The following HCN1 variants were observed in gnomAD, a reference collection of about 807,000 sequenced individuals.
The protein encoded by HCN1 is potassium/sodium hyperpolarization-activated cyclic nucleotide-gated channel 1.
HCN1 carries 13 observed loss-of-function variants against 78.9 expected under a neutral mutation model. That is an observed-to-expected ratio of 0.16 (90% confidence interval 0.11 to 0.26). The LOEUF is 0.26. Among genes scored for constraint, HCN1 ranks in the 10% least tolerant of loss-of-function variants. The pLI, the probability that HCN1 is intolerant of heterozygous loss-of-function variation, is 1.00. For synonymous variants in HCN1, 552 were observed against 455.5 expected (o/e 1.21, Z -2.70); for missense variants, 810 against 1,154.3 (o/e 0.70, Z 4.32).
intron 2 of HCN1, among the ~76,000 whole-genome samples, chr5:45,602,593 C>T (rs1472847884): frequency 6.6e-6 from 1 of 152,094 alleles, no homozygotes; most frequent in African/African-American, 2.4e-5. Flanking sequence ...TTCCATTTAT[C>T]TAAAATAGTT....
intron 1 of HCN1, among the ~76,000 whole-genome samples, chr5:45,663,869 A>G (rs978254459): frequency 1.4e-5 from 2 of 145,886 alleles, no homozygotes; most frequent in African/African-American, 2.5e-5. Context: ...GGGACTGTAA[A>G]CTAGTTCAAC....
At chr5:45,434,244 AT>A (rs1316425943) in intron 3 of HCN1, among the ~76,000 whole-genome samples, 1 of 152,160 alleles carries the variant, frequency 6.6e-6, no homozygotes, top group Non-Finnish European at 1.5e-5. Context: ...TATAATATGC[AT>A]TTTTATAAAC....
chr5:45,501,214 A>G (rs1455327441), intron 2 of HCN1, among the ~76,000 whole-genome samples: 1 of 152,182 alleles, frequency 6.6e-6, no homozygotes, highest in African/African-American at 2.4e-5. Context: ...TGATTCTACC[A>G]TATTATACTT....
chr5:45,409,538 T>C lies in HCN1; in HGVS notation c.1012-12828A>G, dbSNP rs193124918. ...CCTTTACAGATTCTAAAATTCCATC[T>C]TAGTAATGGTAGAATTTACCCTTAA... is the stretch of plus-strand genomic sequence containing the variant. On this transcript the variant is annotated intron_variant, in intron 3 of 7. Transcript: ENST00000303230. Among the ~76,000 whole-genome samples, 730 of 152,154 alleles carry C rather than the reference T, an allele frequency of 4.8e-3. 6 individuals are homozygous for C. Among genetic ancestry groups the C allele is most frequent in the Non-Finnish European group, 7.1e-3 (482 of 67,936 alleles).
intron 2 of HCN1, among the ~76,000 whole-genome samples, chr5:45,564,812 C>G (rs1056756799): frequency 1.9e-4 from 29 of 152,066 alleles, no homozygotes; most frequent in Admixed American, 1.8e-3. Context: ...GCCTGAATTA[C>G]GTCTGTTATT....
intron 5 of HCN1, among the ~76,000 whole-genome samples, chr5:45,305,199 C>T (rs1371768558): frequency 6.6e-6 from 1 of 152,090 alleles, no homozygotes; most frequent in African/African-American, 2.4e-5. Context: ...GCTATACCGA[C>T]CCATCAATTC....
intron 2 of HCN1, among the ~76,000 whole-genome samples, chr5:45,566,086 C>T (rs1743701518): frequency 6.6e-6 from 1 of 152,144 alleles, no homozygotes; most frequent in South Asian, 2.1e-4. Flanking sequence ...ATCATTCTCT[C>T]TCCAACAGAT....
At chr5:45,393,966 C>T (rs565201825) in intron 4 of HCN1, among the ~76,000 whole-genome samples, 50 of 152,222 alleles carry the variant, frequency 3.3e-4, no homozygotes, top group Non-Finnish European at 5.4e-4. Flanking sequence ...GAGATTTTTC[C>T]TGATAGAACT....
Position 45,623,297 on chromosome 5 carries a change from G to T in HCN1, c.849+21888C>A, listed in dbSNP as rs1745104369. Reference sequence around the variant, plus strand: ...CATTGCTGAATGAATGATTCCTGGAGAGAGACTAATGAGTCAGAGATGCAA... The same window carrying T: ...CATTGCTGAATGAATGATTCCTGGATAGAGACTAATGAGTCAGAGATGCAA... On this transcript the variant is annotated intron_variant, in intron 2 of 7. Coordinates refer to ENST00000303230, the MANE Select transcript of HCN1 (RefSeq NM_021072.4). 2.6e-5 allele frequency among the ~76,000 whole-genome samples: 4 copies of T among 152,280 alleles called. 1 individual carries two copies. The South Asian group carries it at 8.3e-4, about 32-fold the overall frequency.
intron 2 of HCN1, among the ~76,000 whole-genome samples, chr5:45,536,000 T>G (rs976564923): frequency 3.9e-5 from 6 of 152,174 alleles, no homozygotes; most frequent in Admixed American, 1.3e-4. Context: ...GTGTTTTGGT[T>G]GTTGTTTTTT....
rs34074894 is a variant in HCN1, at chr5:45,363,145, CATATAT to C, written c.1231-9905_1231-9900del. On this transcript the variant is annotated intron_variant, in intron 4 of 7. Coordinates refer to ENST00000303230, the MANE Select transcript of HCN1 (RefSeq NM_021072.4). ...ATATATAACATATTATATATATATACATATATATATATATATATATATATCTGAATA... is the reference window on the plus strand; with the variant it reads ...ATATATAACATATTATATATATATACATATATATATATATATATCTGAATA... Among the ~76,000 whole-genome samples the C allele has an allele frequency of 2.4e-3, 321 of 131,274 alleles. 1 individual carries two copies. The highest frequency in any genetic ancestry group is 8.0e-3 in the African/African-American group (268 of 33,516). 86.1% of individuals were successfully genotyped at this position (131,274 alleles called of 152,430 possible).
intron 2 of HCN1, among the ~76,000 whole-genome samples, chr5:45,462,263 G>C (rs1211699722): frequency 6.6e-6 from 1 of 152,064 alleles, no homozygotes; most frequent in African/African-American, 2.4e-5. Context: ...ATGTATTAAA[G>C]AACATCGATG....
At chr5:45,464,842 G>T (rs34186662) in intron 2 of HCN1, among the ~76,000 whole-genome samples, 1 of 151,902 alleles carries the variant, frequency 6.6e-6, no homozygotes, top group Non-Finnish European at 1.5e-5. Context: ...GAATGAGAAG[G>T]CTACTTCCTT....
At chr5:45,276,800 T>C (rs1019622892) in intron 6 of HCN1, among the ~76,000 whole-genome samples, 5 of 152,046 alleles carry the variant, frequency 3.3e-5, no homozygotes, top group Non-Finnish European at 7.4e-5. Flanking sequence ...TGTACATCAT[T>C]GGTGACATGA....
intron 1 of HCN1, among the ~76,000 whole-genome samples, chr5:45,686,130 T>TC (rs1378640322): frequency 6.6e-6 from 1 of 151,686 alleles, no homozygotes; most frequent in East Asian, 1.9e-4. Flanking sequence ...TATATTTTTT[T>TC]CTATTATAAT....
chr5:45,472,543 G>A (rs1487471858), intron 2 of HCN1, among the ~76,000 whole-genome samples: 1 of 145,804 alleles, frequency 6.9e-6, no homozygotes, highest in Non-Finnish European at 1.5e-5. Flanking sequence ...AGGGAGGGAG[G>A]GAGGGATGGA....
intron 2 of HCN1, among the ~76,000 whole-genome samples, chr5:45,496,875 T>A (rs1742046148): frequency 6.6e-6 from 1 of 152,208 alleles, no homozygotes; most frequent in East Asian, 1.9e-4. Flanking sequence ...CTGCTTTGAA[T>A]GTGTCCCAGA....
At chr5:45,381,022 T>C (rs1185568410) in intron 4 of HCN1, among the ~76,000 whole-genome samples, 1 of 152,036 alleles carries the variant, frequency 6.6e-6, no homozygotes, top group African/African-American at 2.4e-5. Flanking sequence ...TGAAGGAGAG[T>C]TGTTATGATA....
intron 2 of HCN1, among the ~76,000 whole-genome samples, chr5:45,619,064 C>T (rs757947677): frequency 3.2e-4 from 49 of 152,000 alleles, no homozygotes; most frequent in Non-Finnish European, 6.5e-4. Flanking sequence ...GGTTTTAGCA[C>T]TTAACTGGTA....
Sources: gnomAD v4.1 joint callset for allele counts (sites outside exome capture counted in the v4.1 genomes callset) on GRCh38, gnomAD v4.1.1 for gene constraint, MANE v1.5 for transcripts, NCBI Gene and HGNC (gene_info 2026-07-23, HGNC 2026-07-21) for gene names.